Variants in DNAH7 observed in about 807,000 individuals in gnomAD.
The protein encoded by DNAH7 is dynein axonemal heavy chain 7.
A neutral mutation model predicts 444.6 loss-of-function variants in DNAH7; 397 were observed. That is an observed-to-expected ratio of 0.89 (90% CI 0.82 to 0.97). DNAH7 has a LOEUF of 0.97. Ranked by LOEUF, DNAH7 falls within the 50% of genes least tolerant of loss-of-function variation. The pLI, the probability that DNAH7 is intolerant of heterozygous loss-of-function variation, is 0.00. For synonymous variants in DNAH7, 1,636 were observed against 1,624.4 expected (o/e 1.01, Z -0.17); for missense variants, 4,902 against 4,800.8 (o/e 1.02, Z -0.62).
At chr2:196,035,560 C>G (rs778755664) in intron 5 of DNAH7, among the ~76,000 whole-genome samples, 2 of 152,066 alleles carry the variant, frequency 1.3e-5, no homozygotes, top group African/African-American at 2.4e-5. Context: ...CCTGTCTTCT[C>G]CATAAAGAAG....
rs1260479828 is a variant in DNAH7 at position 195,775,904 on chromosome 2, T to C, written c.11144A>G (p.Asp3715Gly). Residue 3715 changes from aspartate to glycine, a missense_variant, in exon 60 of 65, where the codon GAT becomes GGT. Physicochemically the swap from Asp to Gly is moderately conservative, Grantham distance 94 (BLOSUM62 -1). Coordinates refer to ENST00000312428, the MANE Select transcript of DNAH7 (RefSeq NM_018897.3). ...AGTTTCTGACTGATCCTTAGTGATA[T>C]CTGCATTGGCATTCATCCCAAAGAT... ...PEIFGMNANA[D>G]ITKDQSETQL... The C allele has an allele frequency of 2.5e-6, 4 of 1,614,182 alleles. No individual in the cohort carries two copies. The East Asian group carries it at 6.7e-5, about 27-fold the overall frequency.
At chr2:195,935,990 G>C (rs953214739) in intron 20 of DNAH7, among the ~76,000 whole-genome samples, 2 of 152,150 alleles carry the variant, frequency 1.3e-5, no homozygotes, top group African/African-American at 4.8e-5. Flanking sequence ...AATCTGTGTG[G>C]GGCATTGCAA....
intron 15 of DNAH7, among the ~76,000 whole-genome samples, chr2:195,979,523 C>T (rs780232694): frequency 6.6e-6 from 1 of 151,808 alleles, no homozygotes; most frequent in Non-Finnish European, 1.5e-5. Context: ...TTAAAAAGTA[C>T]AAAAACTTCA....
At chr2:196,061,024 T>C (rs993777676) in intron 1 of DNAH7, among the ~76,000 whole-genome samples, 2 of 152,206 alleles carry the variant, frequency 1.3e-5, no homozygotes, top group Non-Finnish European at 2.9e-5. Flanking sequence ...TTTTGATACA[T>C]GTATAAATCG....
chr2:195,803,362 T>C (rs1449535103), intron 54 of DNAH7, among the ~76,000 whole-genome samples: 1 of 152,266 alleles, frequency 6.6e-6, no homozygotes, highest in Admixed American at 6.5e-5. Context: ...TTCTTCTTTC[T>C]GTCTGCTAGC....
intron 12 of DNAH7, among the ~76,000 whole-genome samples, chr2:195,998,569 A>C (rs1369477327): frequency 1.3e-5 from 2 of 151,914 alleles, no homozygotes; most frequent in African/African-American, 4.8e-5. Context: ...CAACTCAAAA[A>C]AAAAAAAAAA....
At chr2:196,014,570 CT>C (rs2125730911) in intron 9 of DNAH7, among the ~76,000 whole-genome samples, 1 of 152,272 alleles carries the variant, frequency 6.6e-6, no homozygotes, top group Non-Finnish European at 1.5e-5. Context: ...ACCCTGACCC[CT>C]GGCTCTGTCA....
intron 12 of DNAH7, chr2:195,998,937 T>G (rs554448875): frequency 3.8e-6 from 2 of 531,194 alleles, no homozygotes; most frequent in Middle Eastern, 4.1e-4. Flanking sequence ...AAAGCATGAG[T>G]TGAAAGGTCA....
intron 30 of DNAH7, chr2:195,893,547 TAAAC>T (rs1702138182): frequency 6.6e-6 from 1 of 151,870 alleles, no homozygotes; most frequent in Non-Finnish European, 1.5e-5. Flanking sequence ...ATAGTAATCT[TAAAC>T]AATAAAACAA....
intron 21 of DNAH7, among the ~76,000 whole-genome samples, chr2:195,932,263 T>C (rs1288970364): frequency 6.6e-6 from 1 of 152,236 alleles, no homozygotes; most frequent in African/African-American, 2.4e-5. Flanking sequence ...TTTTGCACAT[T>C]GATTTTGTAT....
intron 19 of DNAH7, among the ~76,000 whole-genome samples, chr2:195,946,330 CAT>C (rs1689802587): frequency 6.6e-6 from 1 of 152,036 alleles, no homozygotes; most frequent in South Asian, 2.1e-4. Flanking sequence ...GGTAAAGAGA[CAT>C]ACACAACAAA....
chr2:195,987,222 TAAG>T (rs769945431), intron 13 of DNAH7, 29 bp from the exon 14 acceptor site: 200 of 1,475,790 alleles, frequency 1.4e-4, no homozygotes, highest in Non-Finnish European at 1.7e-4. Flanking sequence ...TTAATCAACA[TAAG>T]AAGAAATAAA....
chr2:195,749,334 A>C (rs1693634463), intron 63 of DNAH7, among the ~76,000 whole-genome samples: 1 of 150,364 alleles, frequency 6.7e-6, no homozygotes, highest in Admixed American at 6.6e-5. Context: ...AGGAAACAAC[A>C]GGTGCTGGAG....
intron 19 of DNAH7, among the ~76,000 whole-genome samples, chr2:195,945,544 T>G (rs1689742117): frequency 6.6e-6 from 1 of 152,196 alleles, no homozygotes; most frequent in Admixed American, 6.5e-5. Context: ...AAATCCCAAA[T>G]GAGTGTATCT....
intron 9 of DNAH7, among the ~76,000 whole-genome samples, chr2:196,017,460 G>T (rs530802753): frequency 2.0e-5 from 3 of 151,970 alleles, no homozygotes; most frequent in African/African-American, 7.2e-5. Flanking sequence ...AGAAGGAAAA[G>T]TGAATGTTTA....
chr2:196,067,485 A>G (rs556371645), intron 1 of DNAH7, among the ~76,000 whole-genome samples: 21 of 151,978 alleles, frequency 1.4e-4, no homozygotes, highest in African/African-American at 5.1e-4. Context: ...CTTGTCATTT[A>G]CTCTTTTATT....
At chr2:195,870,572 A>G (rs1265205064) in intron 40 of DNAH7, among the ~76,000 whole-genome samples, 2 of 152,160 alleles carry the variant, frequency 1.3e-5, no homozygotes, top group African/African-American at 4.8e-5. Context: ...CCCTAAATTT[A>G]TATGTTGAAA....
At position 195,771,715 on chromosome 2, in the gene DNAH7, T is replaced by C. The variant is rs771950965; in HGVS notation, c.11378A>G (p.Asn3793Ser). ...TVLVQEMGRF[N>S]KLLKTIRDSC... is the part of the protein sequence containing the mutation. ...ATCTCTTATGGTCTTCAGTAACTTATTGAACCGTCCCATCTCTTGGACAAG... is the reference window on the plus strand; with the variant it reads ...ATCTCTTATGGTCTTCAGTAACTTACTGAACCGTCCCATCTCTTGGACAAG... Residue 3793 changes from asparagine (N) to serine (S), a missense_variant, in exon 61 of 65, where the codon AAT (asparagine) becomes AGT (serine). Physicochemically the swap from Asn to Ser is conservative, Grantham distance 46. Coordinates refer to ENST00000312428, the MANE Select transcript of DNAH7 (RefSeq NM_018897.3). 10 of 1,614,106 alleles carry C rather than the reference T, an allele frequency of 6.2e-6. No homozygotes were observed. Among genetic ancestry groups the C allele is most frequent in the Admixed American group, 1.7e-5 (1 of 60,004 alleles).
intron 19 of DNAH7, among the ~76,000 whole-genome samples, chr2:195,950,743 TC>T (rs145208830): frequency 0.019 from 2,774 of 149,116 alleles, 76 homozygotes; most frequent in African/African-American, 0.064. Flanking sequence ...TCCCAGCTAC[TC>T]GGAAGGCTAA....
Sources: allele counts gnomAD v4.1 joint callset (sites outside exome capture counted in the v4.1 genomes callset), GRCh38; gene constraint gnomAD v4.1.1; transcripts MANE v1.5; gene names NCBI Gene and HGNC (gene_info 2026-07-23, HGNC 2026-07-21).